Variants in PCNX2 observed in about 807,000 individuals in gnomAD.
The protein encoded by PCNX2 is pecanex-like protein 2.
PCNX2 carries 168 observed loss-of-function variants against 223.8 expected under a neutral mutation model. The observed-to-expected ratio is 0.75, with a 90% confidence interval of 0.66 to 0.85. PCNX2 has a LOEUF of 0.85. Among genes scored for constraint, PCNX2 ranks in the 40% least tolerant of loss-of-function variants. The pLI is 0.00. For synonymous variants in PCNX2, 1,006 were observed against 1,052.6 expected (o/e 0.96, Z 0.86); for missense variants, 2,507 against 2,675.5 (o/e 0.94, Z 1.39).
intron 21 of PCNX2, chr1:233,125,910 G>C (rs1352020302): frequency 6.6e-6 from 1 of 152,134 alleles, no homozygotes; most frequent in Non-Finnish European, 1.5e-5. Context: ...TACGTAAACT[G>C]TTAAATTCTC....
At chr1:233,046,496 T>A (rs1037720237) in intron 25 of PCNX2, among the ~76,000 whole-genome samples, 5 of 152,176 alleles carry the variant, frequency 3.3e-5, no homozygotes, top group African/African-American at 7.2e-5. Context: ...TCTTTTAAAG[T>A]CCCTGTGTCC....
At chr1:233,169,037 C>A (rs1678974265) in intron 17 of PCNX2, among the ~76,000 whole-genome samples, 2 of 151,896 alleles carry the variant, frequency 1.3e-5, no homozygotes, top group Admixed American at 1.3e-4. Context: ...TATTTGTGTA[C>A]AATTATATAC....
chr1:233,207,032 A>C (rs1384643329), intron 13 of PCNX2, among the ~76,000 whole-genome samples: 1 of 151,752 alleles, frequency 6.6e-6, no homozygotes, highest in Non-Finnish European at 1.5e-5. Context: ...AAGAAGAAGA[A>C]GAAGAAGAAG....
rs952206158 is a variant in PCNX2 at position 232,985,791 on chromosome 1, C to T, written c.6240+301G>A. The T allele has an allele frequency of 1.0e-5, 6 of 592,660 alleles. No individual in the cohort carries two copies. The African/African-American group carries it at 1.1e-4, about 11-fold the overall frequency. 36.7% of individuals were successfully genotyped at this position (592,660 alleles called of 1,614,324 possible). A position where few individuals can be genotyped will look rare whatever the true frequency, so the allele number is the denominator to read the frequency against. On this transcript the variant is annotated intron_variant, in intron 33 of 33. Transcript: ENST00000258229. ...TGAATGGGTGGAGGGCATTCTCCGT[C>T]ATGCCCCGGTGTAGGGCAGATGGCC...
intron 19 of PCNX2, among the ~76,000 whole-genome samples, chr1:233,150,314 A>C (rs1558284288): frequency 6.6e-6 from 1 of 152,048 alleles, no homozygotes; most frequent in African/African-American, 2.4e-5. Flanking sequence ...AAGGCATTTC[A>C]TTTTCTCAGA....
intron 8 of PCNX2, among the ~76,000 whole-genome samples, chr1:233,247,872 C>T (rs559711220): frequency 1.6e-4 from 14 of 85,076 alleles, no homozygotes; most frequent in Non-Finnish European, 2.6e-4. Context: ...AGCAAAACTC[C>T]GTCTCAAAAA....
chr1:233,160,440 T>A lies in PCNX2; in HGVS notation c.3367-7A>T, dbSNP rs1017434081. On this transcript the variant is annotated splice_region_variant and splice_polypyrimidine_tract_variant and intron_variant, in intron 18 of 33. Transcript: ENST00000258229. ...GCACGATGCTGAGAAATGGCTGCGA[T>A]AAAAATGGGCAGAATCTCATTACTT... 5 of 1,612,916 alleles carry A rather than the reference T, an allele frequency of 3.1e-6. No homozygotes were observed. The East Asian group carries it at 1.1e-4, about 36-fold the overall frequency.
At chr1:233,066,191 T>C (rs984065260) in intron 23 of PCNX2, among the ~76,000 whole-genome samples, 2 of 152,166 alleles carry the variant, frequency 1.3e-5, no homozygotes, top group Non-Finnish European at 2.9e-5. Flanking sequence ...ATAACCTCAT[T>C]CTTCTCAGAC....
intron 13 of PCNX2, among the ~76,000 whole-genome samples, chr1:233,206,849 A>G (rs1464707940): frequency 6.6e-6 from 1 of 151,888 alleles, no homozygotes; most frequent in Non-Finnish European, 1.5e-5. Context: ...CGTCTCTACT[A>G]AAAATACAAA....
intron 17 of PCNX2, among the ~76,000 whole-genome samples, chr1:233,173,296 A>G (rs944623110): frequency 7.9e-5 from 12 of 151,988 alleles, no homozygotes; most frequent in African/African-American, 2.9e-4. Flanking sequence ...CCTCCCAAGT[A>G]GCTGAGACTA....
At chr1:233,227,807 T>C (rs1289104799) in intron 9 of PCNX2, among the ~76,000 whole-genome samples, 1 of 152,142 alleles carries the variant, frequency 6.6e-6, no homozygotes, top group Admixed American at 6.5e-5. Flanking sequence ...AAGATTTTCA[T>C]TGGCAATATC....
chr1:233,087,077 C>T (rs10752798), intron 23 of PCNX2: 5 of 985,078 alleles, frequency 5.1e-6, no homozygotes, highest in Non-Finnish European at 6.0e-6. Context: ...GTTTCAGGAC[C>T]GGCCAGTTCA....
chr1:233,250,240 G>A (rs183959910), intron 8 of PCNX2, among the ~76,000 whole-genome samples: 1 of 148,688 alleles, frequency 6.7e-6, no homozygotes, highest in Admixed American at 6.8e-5. Context: ...TCCCAGATAT[G>A]CAAACTAATT....
chr1:233,029,861 TA>T (rs1392835395), intron 25 of PCNX2, among the ~76,000 whole-genome samples: 1 of 152,240 alleles, frequency 6.6e-6, no homozygotes, highest in Non-Finnish European at 1.5e-5. Context: ...CACATGTGCT[TA>T]TAATTTTTCT....
intron 23 of PCNX2, among the ~76,000 whole-genome samples, chr1:233,086,312 C>T (rs1285028517): frequency 6.6e-6 from 1 of 152,106 alleles, no homozygotes; most frequent in Non-Finnish European, 1.5e-5. Flanking sequence ...TGGTAGCCTC[C>T]CATCACAGGT....
chr1:233,084,619 G>GA (rs1461231696), intron 23 of PCNX2, among the ~76,000 whole-genome samples: 1 of 152,178 alleles, frequency 6.6e-6, no homozygotes, highest in East Asian at 1.9e-4. Flanking sequence ...TTAGAAAGCT[G>GA]AAAATAGTCA....
intron 5 of PCNX2, among the ~76,000 whole-genome samples, chr1:233,257,029 T>C (rs998702261): frequency 6.6e-6 from 1 of 152,220 alleles, no homozygotes; most frequent in Non-Finnish European, 1.5e-5. Flanking sequence ...AGAAATGATA[T>C]GCTCAGAAAT....
chr1:233,320,350 C>CGTGTGT, the PCNX2 span, among the ~76,000 whole-genome samples: 9 of 149,908 alleles, frequency 6.0e-5, 1 homozygote, highest in African/African-American at 2.2e-4. Flanking sequence ...TACATACATT[C>CGTGTGT]GTGTGTGTGT....
At chr1:233,045,486 T>A (rs1044108062) in intron 25 of PCNX2, among the ~76,000 whole-genome samples, 10 of 152,158 alleles carry the variant, frequency 6.6e-5, no homozygotes, top group African/African-American at 1.2e-4. Flanking sequence ...GTCTGTTGCA[T>A]CAGCCACTGA....
Sources: allele counts gnomAD v4.1 joint callset (sites outside exome capture counted in the v4.1 genomes callset), GRCh38; gene constraint gnomAD v4.1.1; transcripts MANE v1.5; gene names NCBI Gene and HGNC (gene_info 2026-07-23, HGNC 2026-07-21).